The following CEP128 variants were observed in gnomAD, a reference collection of about 807,000 sequenced individuals.
CEP128 encodes centrosomal protein 128kDa.
Under a neutral mutation model 156.7 loss-of-function variants are expected in CEP128, and 132 were observed. The ratio of observed to expected loss-of-function variants is 0.84; its 90% CI spans 0.73 to 0.97. The LOEUF is 0.97. Among genes scored for constraint, CEP128 ranks in the 50% least tolerant of loss-of-function variants. The probability of loss-of-function intolerance (pLI) is 0.00; values close to 1 mark genes in which losing one functional copy is unlikely to be tolerated. For synonymous variants in CEP128, 469 were observed against 448.9 expected (o/e 1.04, Z -0.57); for missense variants, 1,252 against 1,281.9 (o/e 0.98, Z 0.36).
At chr14:80,520,446 AAC>A (rs372254842) in intron 23 of CEP128, among the ~76,000 whole-genome samples, 36 of 151,586 alleles carry the variant, frequency 2.4e-4, no homozygotes, top group African/African-American at 8.7e-4. Flanking sequence ...ACAAACAAAA[AAC>A]AACATTCATT....
chr14:80,660,801 A>C (rs1302036308), intron 19 of CEP128, among the ~76,000 whole-genome samples: 7 of 152,204 alleles, frequency 4.6e-5, no homozygotes, highest in Non-Finnish European at 7.3e-5. Flanking sequence ...TGATTTGGCT[A>C]TCTTAGCCAT....
chr14:80,608,252 C>T (rs537257436), intron 19 of CEP128, among the ~76,000 whole-genome samples: 5 of 152,202 alleles, frequency 3.3e-5, no homozygotes, highest in Admixed American at 2.0e-4. Flanking sequence ...TTTGTCTTTT[C>T]GCCTCCACTA....
upstream of CEP128, chr14:80,942,407 C>T (rs1390226264): frequency 6.6e-6 from 1 of 152,160 alleles, no homozygotes; most frequent in Middle Eastern, 3.1e-3. Flanking sequence ...ATGTTTTCCA[C>T]TCAGGGGAGT....
At chr14:80,809,032 C>T (rs1884352709) in intron 13 of CEP128, among the ~76,000 whole-genome samples, 1 of 148,988 alleles carries the variant, frequency 6.7e-6, no homozygotes, top group African/African-American at 2.4e-5. Flanking sequence ...AAAGGAAATT[C>T]ACAAAATTCT....
intron 8 of CEP128, among the ~76,000 whole-genome samples, chr14:80,880,208 G>A (rs987665967): frequency 1.3e-5 from 2 of 151,604 alleles, no homozygotes; most frequent in Non-Finnish European, 2.9e-5. Flanking sequence ...CATATTAACA[G>A]GACAAAAGAT....
At chr14:80,926,183 T>C (rs568387849) in intron 2 of CEP128, among the ~76,000 whole-genome samples, 2 of 152,280 alleles carry the variant, frequency 1.3e-5, no homozygotes, top group African/African-American at 4.8e-5. Context: ...GCACAGGACC[T>C]GGGTGCCTCT....
chr14:80,955,609 G>A, intron 2 of CEP128: 4 of 1,594,880 alleles, frequency 2.5e-6, no homozygotes, highest in Admixed American at 1.7e-5. Flanking sequence ...TTGGCCTGGG[G>A]TAACCCGAGG....
chr14:80,574,443 C>A (rs1891271513), intron 20 of CEP128, among the ~76,000 whole-genome samples: 1 of 152,174 alleles, frequency 6.6e-6, no homozygotes, highest in Admixed American at 6.5e-5. Context: ...CGATCAATAG[C>A]CCAGTTTCTC....
At chr14:80,586,398 C>T (rs1891822787) in intron 19 of CEP128, among the ~76,000 whole-genome samples, 1 of 152,170 alleles carries the variant, frequency 6.6e-6, no homozygotes, top group Non-Finnish European at 1.5e-5. Context: ...AGATCAAATG[C>T]CTCTGTCAAT....
intron 13 of CEP128, among the ~76,000 whole-genome samples, chr14:80,808,540 C>A (rs61979450): frequency 0.019 from 2,897 of 152,228 alleles, 42 homozygotes; most frequent in Non-Finnish European, 0.029. Flanking sequence ...CAATCACCAA[C>A]CTGGACCACC....
intron 20 of CEP128, among the ~76,000 whole-genome samples, chr14:80,578,410 T>C (rs1891447181): frequency 6.6e-6 from 1 of 152,180 alleles, no homozygotes; most frequent in Admixed American, 6.5e-5. Context: ...AATTATAAGA[T>C]GATAATGAGT....
intron 19 of CEP128, among the ~76,000 whole-genome samples, chr14:80,626,449 C>A (rs1359895392): frequency 8.3e-6 from 1 of 119,894 alleles, no homozygotes; most frequent in African/African-American, 3.4e-5. Flanking sequence ...CCGGCCTGGG[C>A]GACAGAGCGA....
intron 19 of CEP128, among the ~76,000 whole-genome samples, chr14:80,630,800 T>G (rs1206862898): frequency 6.6e-6 from 1 of 152,056 alleles, no homozygotes; most frequent in Non-Finnish European, 1.5e-5. Flanking sequence ...AAGCCATATC[T>G]CTGTTGTAAT....
At chr14:80,678,996 T>C (rs894448065) in intron 19 of CEP128, among the ~76,000 whole-genome samples, 3 of 152,196 alleles carry the variant, frequency 2.0e-5, no homozygotes, top group African/African-American at 2.4e-5. Context: ...TGAACATAAA[T>C]TGTGAAGATT....
At chr14:80,824,013 G>C (rs919468632) in intron 13 of CEP128, among the ~76,000 whole-genome samples, 5 of 152,238 alleles carry the variant, frequency 3.3e-5, no homozygotes, top group African/African-American at 1.2e-4. Context: ...CTGAAATCTA[G>C]GTGGAGGTTC....
intron 2 of CEP128, among the ~76,000 whole-genome samples, chr14:80,918,126 C>T (rs2139514742): frequency 6.6e-6 from 1 of 152,294 alleles, no homozygotes; most frequent in Non-Finnish European, 1.5e-5. Context: ...CATAAGGAAA[C>T]ATGAACAAGA....
chr14:80,849,687 A>G (rs7141981), intron 9 of CEP128, among the ~76,000 whole-genome samples: 150,391 of 152,182 alleles, frequency 0.99, 74,348 homozygotes, highest in Middle Eastern at 1. Flanking sequence ...CTAGAAACAC[A>G]ATGAGTCATG....
chr14:80,866,028 T>C (rs1887751755), intron 8 of CEP128, among the ~76,000 whole-genome samples: 1 of 152,120 alleles, frequency 6.6e-6, no homozygotes, highest in African/African-American at 2.4e-5. Context: ...TTACATTAAA[T>C]GCTAATTGTA....
At chr14:80,491,261 T>C (rs1887314207) in intron 6 of CEP128, among the ~76,000 whole-genome samples, 1 of 152,200 alleles carries the variant, frequency 6.6e-6, no homozygotes. Flanking sequence ...ACTGGCTTTA[T>C]TGGCTGTGGT....
Sources: gnomAD v4.1 joint callset for allele counts (sites outside exome capture counted in the v4.1 genomes callset) on GRCh38, gnomAD v4.1.1 for gene constraint, MANE v1.5 for transcripts, NCBI Gene and HGNC (gene_info 2026-07-23, HGNC 2026-07-21) for gene names.